Variants in GOLT1B observed in about 807,000 individuals in gnomAD.
The protein encoded by GOLT1B is golgi transport 1B.
In GOLT1B, 3 loss-of-function variants were observed where a neutral mutation model predicts 15.4. That is an observed-to-expected ratio of 0.19 (90% confidence interval 0.09 to 0.50). The LOEUF (loss-of-function observed/expected upper bound fraction) is 0.50. GOLT1B is among the 20% of genes least tolerant of loss of function. The pLI is 0.97. For missense variants in GOLT1B, 145 were observed against 160.4 expected, an observed-to-expected ratio of 0.90 and a Z score of 0.52; for synonymous variants, 65 against 56.2, an observed-to-expected ratio of 1.16 and a Z score of -0.70.
chr12:21,505,254 G>GTAA (rs961274642), intron 1 of GOLT1B, among the ~76,000 whole-genome samples: 2 of 151,768 alleles, frequency 1.3e-5, no homozygotes, highest in African/African-American at 4.8e-5. Flanking sequence ...GAATTTTTAT[G>GTAA]TAATCATCAA....
chr12:21,509,009 T>C (rs1171990024), intron 3 of GOLT1B, among the ~76,000 whole-genome samples: 3 of 152,196 alleles, frequency 2.0e-5, no homozygotes, highest in Non-Finnish European at 4.4e-5. Context: ...ATTAGAAGAT[T>C]GTTTACCAAA....
intron 4 of GOLT1B, among the ~76,000 whole-genome samples, chr12:21,515,068 G>A (rs1309852650): frequency 1.3e-5 from 2 of 150,864 alleles, no homozygotes; most frequent in Non-Finnish European, 3.0e-5. Flanking sequence ...ACAGTAATGT[G>A]TGTTAAAATT....
intron 1 of GOLT1B, 94 bp downstream of exon 1, chr12:21,502,042 T>G: frequency 1.1e-6 from 1 of 904,698 alleles, no homozygotes; most frequent in Non-Finnish European, 1.8e-6. Flanking sequence ...AATGAAGCTC[T>G]GGGTTGGGGG....
chr12:21,504,431 C>T (rs904733502), intron 1 of GOLT1B: 21 of 422,112 alleles, frequency 5.0e-5, no homozygotes, highest in Admixed American at 1.9e-4. Flanking sequence ...AATGTCATTG[C>T]CAGTACCAGT....
At chr12:21,510,800 T>A (rs950606914) in intron 3 of GOLT1B, among the ~76,000 whole-genome samples, 15 of 152,218 alleles carry the variant, frequency 9.9e-5, no homozygotes, top group African/African-American at 3.6e-4. Flanking sequence ...AATTCTTTAT[T>A]TTGACTTCTG....
intron 2 of GOLT1B, 161 bp downstream of exon 2, chr12:21,507,137 CT>C (rs1218228807): frequency 1.5e-6 from 1 of 656,124 alleles, no homozygotes. Flanking sequence ...TGTCAGCTTT[CT>C]GTTTAAATAA....
chr12:21,517,606 C>T lies in GOLT1B; in HGVS notation c.*1899C>T, dbSNP rs2136813589. 1 of 152,144 alleles carries T rather than the reference C, an allele frequency of 6.6e-6. No homozygotes were observed. Among genetic ancestry groups the T allele is most frequent in the East Asian group, 1.9e-4 (1 of 5,188 alleles). The allele number at this position is 152,144 out of a possible 1,614,324, so 9.4% of individuals were successfully genotyped here. On this transcript the variant is annotated 3_prime_UTR_variant, in exon 5 of 5. Coordinates refer to ENST00000229314, the MANE Select transcript of GOLT1B (RefSeq NM_016072.5). ...CTCCTTTGTAGACATGAATTTCTAT[C>T]AAAATGTTCTTTGCACTGTAACAGA... is the stretch of plus-strand genomic sequence containing the variant.
At chr12:21,510,460 G>A (rs1257906018) in intron 3 of GOLT1B, among the ~76,000 whole-genome samples, 2 of 152,172 alleles carry the variant, frequency 1.3e-5, no homozygotes, top group Non-Finnish European at 2.9e-5. Flanking sequence ...TAGTATCATC[G>A]ACAAGCTTGG....
In GOLT1B at chr12:21,501,939, G is replaced by A; in HGVS notation, c.16G>A (p.Asp6Asn). The A allele has an allele frequency of 6.2e-7, 1 of 1,609,652 alleles. No individual in the cohort carries two copies. The highest frequency in any genetic ancestry group is 1.1e-5 in the South Asian group (1 of 90,922). ...CACTGCAGCCATGATCTCCTTAACG[G>A]ACACGCAGAGTAAGCACCTGCTCCG... The part of the protein sequence containing the change: MISLT[D>N]TQKIGMGLTG... The change falls in exon 1 of 5, where the codon GAC (aspartate) becomes AAC (asparagine). Residue 6 changes from aspartate (D) to asparagine (N), a missense_variant. Transcript: ENST00000229314.
chr12:21,507,514 A>ATATGTG (rs1555149724), intron 2 of GOLT1B, among the ~76,000 whole-genome samples: 1 of 147,592 alleles, frequency 6.8e-6, no homozygotes, highest in Non-Finnish European at 1.5e-5. Context: ...AAGACACTGT[A>ATATGTG]TGTGTGTGTG....
chr12:21,507,344 AT>A (rs1308732732), intron 2 of GOLT1B: 1 of 210,228 alleles, frequency 4.8e-6, no homozygotes, highest in Non-Finnish European at 9.7e-6. Flanking sequence ...ATTCAGCTGC[AT>A]AAGATAGATT....
chr12:21,502,742 TG>T (rs1405662848), intron 1 of GOLT1B, among the ~76,000 whole-genome samples: 2 of 152,180 alleles, frequency 1.3e-5, no homozygotes, highest in African/African-American at 4.8e-5. Flanking sequence ...TACTGCTTTT[TG>T]TTAATATTAA....
chr12:21,503,626 C>T (rs1943657517), intron 1 of GOLT1B, among the ~76,000 whole-genome samples: 1 of 152,146 alleles, frequency 6.6e-6, no homozygotes, highest in Non-Finnish European at 1.5e-5. Context: ...CTTTGCTGTT[C>T]ACTTGTCACA....
intron 4 of GOLT1B, among the ~76,000 whole-genome samples, chr12:21,513,070 CAAAAAAAA>C (rs58392364): frequency 5.4e-5 from 6 of 110,448 alleles, no homozygotes; most frequent in Admixed American, 9.2e-5. Flanking sequence ...GACCCTGTCT[CAAAAAAAA>C]AAAAAAAAAA....
Position 21,515,957 on chromosome 12 carries a change from A to G in GOLT1B, c.*250A>G, listed in dbSNP as rs2136812173. On this transcript the variant is annotated 3_prime_UTR_variant, in exon 5 of 5. Coordinates refer to ENST00000229314, the MANE Select transcript of GOLT1B (RefSeq NM_016072.5). Reference sequence around the variant, plus strand: ...GTGAAATCCATGTTAATGATGCTTAAGAAACTCTTGAAGGCTATTTGTGTT... The same window carrying G: ...GTGAAATCCATGTTAATGATGCTTAGGAAACTCTTGAAGGCTATTTGTGTT... 1.0e-5 allele frequency: 4 copies of G among 387,202 alleles called. No individual in the cohort carries two copies. The South Asian group carries it at 1.6e-4, about 16-fold the overall frequency. The allele number at this position is 387,202 out of a possible 1,614,324, so 24.0% of individuals were successfully genotyped here. A position where few individuals can be genotyped will look rare whatever the true frequency, so the allele number is the denominator to read the frequency against.
chr12:21,515,438 A>G (rs1374488185), intron 4 of GOLT1B, among the ~76,000 whole-genome samples: 2 of 152,056 alleles, frequency 1.3e-5, no homozygotes, highest in Admixed American at 6.6e-5. Context: ...TTAAATTCAT[A>G]TGTATAACAT....
intron 3 of GOLT1B, among the ~76,000 whole-genome samples, chr12:21,510,741 C>G (rs1943713564): frequency 6.6e-6 from 1 of 152,194 alleles, no homozygotes; most frequent in Admixed American, 6.5e-5. Flanking sequence ...CACGCACATA[C>G]ACCATCAACA....
At position 21,512,300 on chromosome 12, in the gene GOLT1B, T is replaced by G. The variant is rs780924167; in HGVS notation, c.302T>G (p.Phe101Cys). 2 of 1,542,664 alleles carry G rather than the reference T, an allele frequency of 1.3e-6. No homozygotes were observed. The highest frequency in any genetic ancestry group is 2.3e-5 in the East Asian group (1 of 44,416). The change falls in exon 4 of 5, where the codon TTC becomes TGC. Residue 101 changes from phenylalanine (F) to cysteine (C), a missense_variant. By Grantham distance (205) the Phe-to-Cys change is radical. Coordinates refer to ENST00000229314, the MANE Select transcript of GOLT1B (RefSeq NM_016072.5). The part of the protein sequence containing the change: ...IYGFFLLFRG[F>C]FPVVVGFIRR... Reference sequence around the variant, plus strand: ...CTTTTTTTTCCCTCTCCCAGGGGCTTCTTTCCTGTCGTTGTTGGCTTTATT... The same window carrying G: ...CTTTTTTTTCCCTCTCCCAGGGGCTGCTTTCCTGTCGTTGTTGGCTTTATT...
At chr12:21,506,477 G>A (rs913756435) in intron 1 of GOLT1B, among the ~76,000 whole-genome samples, 1 of 151,986 alleles carries the variant, frequency 6.6e-6, no homozygotes, top group Non-Finnish European at 1.5e-5. Flanking sequence ...TACAGATATT[G>A]TGCATTTAAA....
Sources: gnomAD v4.1 joint callset for allele counts (sites outside exome capture counted in the v4.1 genomes callset) on GRCh38, gnomAD v4.1.1 for gene constraint, MANE v1.5 for transcripts, NCBI Gene and HGNC (gene_info 2026-07-23, HGNC 2026-07-21) for gene names.